R3HDM1: variants seen among roughly 807,000 people sequenced by gnomAD.
R3HDM1 encodes the protein R3H domain-containing protein 1.
R3HDM1 carries 46 observed loss-of-function variants against 141.1 expected under a neutral mutation model. The ratio of observed to expected loss-of-function variants is 0.33; its 90% CI spans 0.26 to 0.42. R3HDM1 has a LOEUF of 0.42. R3HDM1 is among the 10% of genes least tolerant of loss of function. R3HDM1 has a pLI of 1.00. For missense variants in R3HDM1, 1,184 were observed against 1,368.3 expected (o/e 0.87, Z 2.12); for synonymous variants, 435 against 472.9 (o/e 0.92, Z 1.04).
At position 135,641,664 on chromosome 2, in the gene R3HDM1, CAT is replaced by C; in HGVS notation, c.1350_1351del (p.His450GlnfsTer6). 6.2e-7 allele frequency: 1 copy of C among 1,614,184 alleles called. No homozygotes were observed. The highest frequency in any genetic ancestry group is 8.5e-7 in the Non-Finnish European group (1 of 1,180,038). ...APVVYPTVST[H>X]SSLSFDGGLN... ...TGTCGTCTATCCAACTGTCAGCACTCATAGTTCTCTTTCCTTTGATGGTGGCC... is the reference window on the plus strand; with the variant it reads ...TGTCGTCTATCCAACTGTCAGCACTCAGTTCTCTTTCCTTTGATGGTGGCC... On this transcript the variant is annotated frameshift_variant, in exon 15 of 27. Transcript: ENST00000683871. LOFTEE classifies it high-confidence loss of function.
chr2:135,596,072 C>G (rs2059151934), intron 1 of R3HDM1, among the ~76,000 whole-genome samples: 1 of 152,146 alleles, frequency 6.6e-6, no homozygotes, highest in African/African-American at 2.4e-5. Context: ...GATCTCAGCT[C>G]ACTGCAACCT....
chr2:135,541,909 A>G (rs893305552), intron 1 of R3HDM1, among the ~76,000 whole-genome samples: 2 of 151,894 alleles, frequency 1.3e-5, no homozygotes, highest in African/African-American at 2.4e-5. Context: ...TCTGAAGTGC[A>G]TATAGGTTGA....
chr2:135,717,095 G>A (rs935015986), intron 24 of R3HDM1, among the ~76,000 whole-genome samples: 3 of 152,158 alleles, frequency 2.0e-5, no homozygotes, highest in Admixed American at 6.6e-5. Context: ...TTTAACATCA[G>A]TCATTATAGA....
intron 21 of R3HDM1, among the ~76,000 whole-genome samples, chr2:135,699,549 T>C (rs1267640512): frequency 5.3e-5 from 8 of 152,168 alleles, no homozygotes; most frequent in African/African-American, 1.7e-4. Context: ...TGGATAGATA[T>C]GGCAGCAAGA....
At chr2:135,598,630 A>G (rs2059383424) in intron 1 of R3HDM1, among the ~76,000 whole-genome samples, 1 of 150,542 alleles carries the variant, frequency 6.6e-6, no homozygotes, top group Non-Finnish European at 1.5e-5. Flanking sequence ...TGATTTTTCT[A>G]TCTGCCTTAG....
chr2:135,621,104 T>C (rs893668959), intron 5 of R3HDM1, among the ~76,000 whole-genome samples: 6 of 152,022 alleles, frequency 3.9e-5, no homozygotes, highest in East Asian at 1.9e-4. Flanking sequence ...TTGACACTTA[T>C]ACATTCGTAT....
chr2:135,655,655 C>T (rs189135960), intron 18 of R3HDM1, among the ~76,000 whole-genome samples: 17,856 of 151,672 alleles, frequency 0.12, 1,284 homozygotes, highest in South Asian at 0.32. Flanking sequence ...TACAGGTGCC[C>T]GCCACCACGC....
intron 3 of R3HDM1, among the ~76,000 whole-genome samples, chr2:135,610,377 A>G (rs1316985264): frequency 6.6e-6 from 1 of 152,238 alleles, no homozygotes; most frequent in African/African-American, 2.4e-5. Context: ...ATTTCTGTTA[A>G]AAACTAGGCC....
chr2:135,559,486 G>A (rs1246652125), intron 1 of R3HDM1, among the ~76,000 whole-genome samples: 6 of 152,114 alleles, frequency 3.9e-5, no homozygotes, highest in Admixed American at 3.9e-4. Context: ...TTTTGGGATG[G>A]TAGAAAATCA....
intron 19 of R3HDM1, among the ~76,000 whole-genome samples, chr2:135,664,867 T>A (rs2067262746): frequency 6.6e-6 from 1 of 152,220 alleles, no homozygotes; most frequent in South Asian, 2.1e-4. Context: ...AAAGTCAGAA[T>A]CCTGATGGCC....
At chr2:135,593,040 C>G (rs1709693121) in intron 1 of R3HDM1, among the ~76,000 whole-genome samples, 1 of 152,120 alleles carries the variant, frequency 6.6e-6, no homozygotes, top group African/African-American at 2.4e-5. Flanking sequence ...CTGCCTCAGC[C>G]TTCCAAATAG....
intron 7 of R3HDM1, chr2:135,623,085 T>A: frequency 1.0e-6 from 1 of 961,072 alleles, no homozygotes; most frequent in Non-Finnish European, 1.2e-6. Flanking sequence ...TATTCACTTA[T>A]GAGTTTTTGA....
chr2:135,544,930 A>C (rs984258865), intron 1 of R3HDM1, among the ~76,000 whole-genome samples: 1 of 152,166 alleles, frequency 6.6e-6, no homozygotes, highest in African/African-American at 2.4e-5. Context: ...GTGCCACTGC[A>C]CTCCAGCCTG....
At chr2:135,685,879 C>A (rs1025332405) in intron 21 of R3HDM1, among the ~76,000 whole-genome samples, 3 of 152,086 alleles carry the variant, frequency 2.0e-5, no homozygotes, top group Non-Finnish European at 2.9e-5. Flanking sequence ...GACAGAAATA[C>A]CTTCCAGGAC....
chr2:135,680,782 A>G (rs1387773748), intron 21 of R3HDM1, among the ~76,000 whole-genome samples: 1 of 152,214 alleles, frequency 6.6e-6, no homozygotes, highest in African/African-American at 2.4e-5. Context: ...AAAAAAATAT[A>G]TATGTATATT....
intron 23 of R3HDM1, among the ~76,000 whole-genome samples, chr2:135,711,497 A>C (rs934487493): frequency 2.6e-5 from 4 of 151,812 alleles, no homozygotes; most frequent in African/African-American, 9.7e-5. Context: ...CCCTGTCTCT[A>C]TAAAAAATAC....
chr2:135,540,537 C>A (rs1168542937), intron 1 of R3HDM1, among the ~76,000 whole-genome samples: 1 of 152,130 alleles, frequency 6.6e-6, no homozygotes, highest in Non-Finnish European at 1.5e-5. Flanking sequence ...GCAGTTCTCC[C>A]ACCTCAGTGC....
At chr2:135,694,621 C>G (rs2072961439) in intron 21 of R3HDM1, among the ~76,000 whole-genome samples, 1 of 152,142 alleles carries the variant, frequency 6.6e-6, no homozygotes, top group Non-Finnish European at 1.5e-5. Context: ...TAGGATTGCC[C>G]CAGCTTAGTG....
At chr2:135,555,107 C>T (rs932030173) in intron 1 of R3HDM1, among the ~76,000 whole-genome samples, 6 of 151,992 alleles carry the variant, frequency 3.9e-5, no homozygotes, top group African/African-American at 1.5e-4. Context: ...GGAGACTTTC[C>T]TGGCCAACAT....
Sources: gnomAD v4.1 joint callset for allele counts (sites outside exome capture counted in the v4.1 genomes callset) on GRCh38, gnomAD v4.1.1 for gene constraint, MANE v1.5 for transcripts, NCBI Gene and HGNC (gene_info 2026-07-23, HGNC 2026-07-21) for gene names.